The following PPFIA2 variants were observed in gnomAD, a reference collection of about 807,000 sequenced individuals.
The protein encoded by PPFIA2 is liprin-alpha-2.
Under a neutral mutation model 175.5 loss-of-function variants are expected in PPFIA2, and 46 were observed. The observed-to-expected ratio is 0.26, with a 90% CI of 0.21 to 0.34. The LOEUF is 0.34. PPFIA2 is among the 10% of genes least tolerant of loss of function. The pLI is 1.00. For synonymous variants in PPFIA2, 568 were observed against 511.4 expected (o/e 1.11, Z -1.49); for missense variants, 1,179 against 1,506.1 (o/e 0.78, Z 3.60).
intron 3 of PPFIA2, among the ~76,000 whole-genome samples, chr12:81,740,905 T>G (rs1351942603): frequency 6.6e-6 from 1 of 152,188 alleles, no homozygotes; most frequent in Non-Finnish European, 1.5e-5. Flanking sequence ...ACTTTTCATT[T>G]TGTCCTTCCA....
intron 3 of PPFIA2, among the ~76,000 whole-genome samples, chr12:81,714,521 A>T (rs1271195896): frequency 6.6e-6 from 1 of 151,104 alleles, no homozygotes; most frequent in Non-Finnish European, 1.5e-5. Flanking sequence ...TTGAGGAGGA[A>T]TAAAACATCT....
chr12:81,645,968 T>A (rs2066003929), intron 4 of PPFIA2, among the ~76,000 whole-genome samples: 1 of 152,210 alleles, frequency 6.6e-6, no homozygotes, highest in South Asian at 2.1e-4. Context: ...CATTTAGTCC[T>A]GCTTTGATAA....
At chr12:81,750,856 T>C (rs1473419261) in intron 3 of PPFIA2, among the ~76,000 whole-genome samples, 1 of 152,168 alleles carries the variant, frequency 6.6e-6, no homozygotes. Flanking sequence ...TATCTCTGCT[T>C]TCAATTCTAC....
intron 27 of PPFIA2, among the ~76,000 whole-genome samples, chr12:81,278,150 G>A (rs142806484): frequency 2.6e-5 from 4 of 152,240 alleles, no homozygotes; most frequent in African/African-American, 9.6e-5. Context: ...GGAGAAAAGG[G>A]CATATTAAGG....
At chr12:81,498,749 C>T (rs182300176) in intron 4 of PPFIA2, among the ~76,000 whole-genome samples, 9 of 152,204 alleles carry the variant, frequency 5.9e-5, no homozygotes, top group African/African-American at 9.6e-5. Context: ...CTCAGCCTCC[C>T]AAGTAGCTGG....
At chr12:81,659,466 C>T (rs2068404070) in intron 4 of PPFIA2, among the ~76,000 whole-genome samples, 1 of 152,178 alleles carries the variant, frequency 6.6e-6, no homozygotes, top group African/African-American at 2.4e-5. Context: ...GCTAGCACAG[C>T]AGTCTGAGAT....
At chr12:81,734,387 T>C (rs1480627323) in intron 3 of PPFIA2, among the ~76,000 whole-genome samples, 4 of 151,796 alleles carry the variant, frequency 2.6e-5, no homozygotes, top group African/African-American at 2.4e-5. Flanking sequence ...ATAACCAGTT[T>C]AGACTTGTAT....
intron 28 of PPFIA2, among the ~76,000 whole-genome samples, chr12:81,272,993 G>A (rs1203008130): frequency 1.3e-5 from 2 of 152,000 alleles, no homozygotes; most frequent in Non-Finnish European, 2.9e-5. Flanking sequence ...ATAATAAATA[G>A]CCTGATCTGT....
chr12:81,511,223 T>G (rs2061754719), intron 4 of PPFIA2, among the ~76,000 whole-genome samples: 1 of 152,084 alleles, frequency 6.6e-6, no homozygotes, highest in South Asian at 2.1e-4. Context: ...TTTCCAATAG[T>G]GTCAAGAGAC....
chr12:81,621,411 G>A (rs994545081), intron 4 of PPFIA2, among the ~76,000 whole-genome samples: 1 of 152,166 alleles, frequency 6.6e-6, no homozygotes, highest in Non-Finnish European at 1.5e-5. Context: ...TTCTAAGTAA[G>A]ATCAGCAAGC....
At chr12:81,473,165 TG>T (rs1566968525) in intron 4 of PPFIA2, among the ~76,000 whole-genome samples, 1 of 152,122 alleles carries the variant, frequency 6.6e-6, no homozygotes, top group African/African-American at 2.4e-5. Flanking sequence ...CCCAGCACTC[TG>T]GGGGGCTGAG....
chr12:81,283,224 G>C (rs1226966529), intron 25 of PPFIA2, among the ~76,000 whole-genome samples, 185 bp from the exon 26 acceptor site: 4 of 151,988 alleles, frequency 2.6e-5, no homozygotes, highest in Admixed American at 1.3e-4. Context: ...CAATTAGGCA[G>C]CAACTACATC....
At chr12:81,422,204 A>G (rs560780722) in intron 7 of PPFIA2, among the ~76,000 whole-genome samples, 11 of 151,108 alleles carry the variant, frequency 7.3e-5, no homozygotes, top group African/African-American at 2.7e-4. Context: ...GATGAAAACG[A>G]GAAACAAGGT....
chr12:81,754,883 G>A (rs2153667958), intron 2 of PPFIA2, among the ~76,000 whole-genome samples: 1 of 152,052 alleles, frequency 6.6e-6, no homozygotes, highest in Admixed American at 6.5e-5. Context: ...CTCTCTCCCT[G>A]AATTCCTACG....
chr12:81,327,257 A>T (rs2054990144), intron 21 of PPFIA2, among the ~76,000 whole-genome samples: 1 of 152,004 alleles, frequency 6.6e-6, no homozygotes, highest in South Asian at 2.1e-4. Context: ...GAGGGCCAAA[A>T]TTTGTTTTAG....
intron 4 of PPFIA2, among the ~76,000 whole-genome samples, chr12:81,488,970 G>A (rs2059142311): frequency 1.3e-5 from 2 of 151,812 alleles, no homozygotes; most frequent in African/African-American, 4.8e-5. Flanking sequence ...TATGACTGCA[G>A]GTTAGCCACA....
At chr12:81,588,107 T>C (rs1325674853) in intron 4 of PPFIA2, among the ~76,000 whole-genome samples, 4 of 151,956 alleles carry the variant, frequency 2.6e-5, no homozygotes, top group African/African-American at 4.8e-5. Flanking sequence ...CACATATCTT[T>C]ATTATGGTAA....
intron 21 of PPFIA2, among the ~76,000 whole-genome samples, chr12:81,330,332 T>C (rs1314218410): frequency 6.6e-6 from 1 of 152,198 alleles, no homozygotes; most frequent in Non-Finnish European, 1.5e-5. Context: ...CGCTTGTTAT[T>C]AATTTGAGTA....
At chr12:81,702,108 A>T (rs903571037) in intron 3 of PPFIA2, among the ~76,000 whole-genome samples, 3 of 152,094 alleles carry the variant, frequency 2.0e-5, no homozygotes, top group African/African-American at 7.2e-5. Context: ...GAGTAAGAAA[A>T]ACAGGGCAGC....
Sources: gnomAD v4.1 joint callset for allele counts (sites outside exome capture counted in the v4.1 genomes callset) on GRCh38, gnomAD v4.1.1 for gene constraint, MANE v1.5 for transcripts, NCBI Gene and HGNC (gene_info 2026-07-23, HGNC 2026-07-21) for gene names.